Variants in CHD9 observed in about 807,000 individuals in gnomAD.
CHD9 encodes the protein chromodomain helicase DNA binding protein 9.
A neutral mutation model predicts 316.1 loss-of-function variants in CHD9; 77 were observed. The observed-to-expected ratio is 0.24, with a 90% CI of 0.20 to 0.29. The LOEUF (loss-of-function observed/expected upper bound fraction) is 0.29. Ranked by LOEUF, CHD9 falls within the 10% of genes least tolerant of loss-of-function variation. CHD9 has a pLI of 1.00. For missense variants in CHD9, 2,763 were observed against 3,438.1 expected (o/e 0.80, Z 4.91); for synonymous variants, 1,129 against 1,158.3 (o/e 0.97, Z 0.51).
chr16:53,158,188 G>T (rs2041653844), intron 2 of CHD9, among the ~76,000 whole-genome samples: 3 of 151,992 alleles, frequency 2.0e-5, no homozygotes, highest in Admixed American at 6.6e-5. Context: ...AAGCAATTTG[G>T]TACTAGATTA....
intron 24 of CHD9, among the ~76,000 whole-genome samples, chr16:53,285,244 C>T (rs887631558): frequency 6.6e-6 from 1 of 152,118 alleles, no homozygotes; most frequent in Admixed American, 6.6e-5. Context: ...AATAATTGAA[C>T]CAGATGATTA....
rs920501058 is a variant in CHD9, at chr16:53,123,865, G to T, written c.-164-32061G>T. The stretch of plus-strand genomic sequence containing the variant: ...TGTCTTCTGAGTTGGCTTACTAGGG[G>T]ATGTATCTGGCTTTTATCACTTAGC... On this transcript the variant is annotated intron_variant, in intron 1 of 38. Transcript: ENST00000447540. Among the ~76,000 whole-genome samples the T allele has an allele frequency of 3.3e-5, 5 of 152,170 alleles. No homozygotes were observed. In the South Asian group the frequency reaches 1.0e-3, roughly 32 times the overall value.
intron 2 of CHD9, among the ~76,000 whole-genome samples, chr16:53,163,416 G>A (rs1254053917): frequency 3.3e-5 from 5 of 152,024 alleles, no homozygotes. Flanking sequence ...CTCCATGTTC[G>A]TCAGGCTGGT....
Position 53,307,972 on chromosome 16 carries a change from C to T in CHD9, c.7053+19C>T. 6.4e-7 allele frequency: 1 copy of T among 1,566,342 alleles called. No individual in the cohort carries two copies. The highest frequency in any genetic ancestry group is 8.7e-7 in the Non-Finnish European group (1 of 1,155,850). ...CAAAGACGTATGTGTATTTTTATTG[C>T]CCTAGGGCCTGATTGCGATTGCGGT... On this transcript the variant is annotated intron_variant, in intron 33 of 38. Transcript: ENST00000447540.
intron 2 of CHD9, among the ~76,000 whole-genome samples, chr16:53,193,904 A>G (rs1381243763): frequency 1.3e-5 from 2 of 152,204 alleles, no homozygotes; most frequent in African/African-American, 4.8e-5. Context: ...GTAAATAACT[A>G]TAATATACTA....
At chr16:53,277,500 A>C (rs992828367) in intron 24 of CHD9, among the ~76,000 whole-genome samples, 1 of 152,162 alleles carries the variant, frequency 6.6e-6, no homozygotes, top group South Asian at 2.1e-4. Context: ...AACAAAAATC[A>C]CATGATCATT....
At position 53,326,622 on chromosome 16, in the gene CHD9, A is replaced by G. The variant is rs539961268; in HGVS notation, c.*1727A>G. Reference sequence around the variant, plus strand: ...ATAGTCCTTTATGCAATGTCTTAGCAATAGTCTCTATAATGCCCATCCAGG... The same window carrying G: ...ATAGTCCTTTATGCAATGTCTTAGCGATAGTCTCTATAATGCCCATCCAGG... On this transcript the variant is annotated 3_prime_UTR_variant, in exon 39 of 39. Coordinates refer to ENST00000447540, the MANE Select transcript of CHD9 (RefSeq NM_001308319.2). The G allele has an allele frequency of 3.9e-5, 6 of 152,592 alleles. No individual in the cohort carries two copies. Among genetic ancestry groups the G allele is most frequent in the African/African-American group, 1.4e-4 (6 of 41,564 alleles). The allele number at this position is 152,592 out of a possible 1,614,324, so 9.5% of individuals were successfully genotyped here. A position where few individuals can be genotyped will look rare whatever the true frequency, so the allele number is the denominator to read the frequency against.
At chr16:53,227,661 T>C (rs1156926294) in intron 7 of CHD9, 58 bp downstream of exon 7, 2 of 454,430 alleles carry the variant, frequency 4.4e-6, no homozygotes, top group South Asian at 6.7e-5. Flanking sequence ...TAAATTAATA[T>C]ATTTAATAAA....
intron 24 of CHD9, among the ~76,000 whole-genome samples, chr16:53,280,114 G>A (rs1489291751): frequency 1.3e-5 from 2 of 152,216 alleles, no homozygotes; most frequent in African/African-American, 4.8e-5. Flanking sequence ...ACAGCGTGGA[G>A]ATTCCTTAAA....
At chr16:53,208,367 A>T in intron 2 of CHD9, 1 of 1,278,958 alleles carries the variant, frequency 7.8e-7, no homozygotes, top group South Asian at 1.3e-5. Context: ...AGCCTGAATG[A>T]GTGGGAGGAG....
intron 3 of CHD9, among the ~76,000 whole-genome samples, chr16:53,216,572 A>G (rs1597469766): frequency 6.6e-6 from 1 of 152,180 alleles, no homozygotes; most frequent in African/African-American, 2.4e-5. Flanking sequence ...GCCTGTCTGT[A>G]TGGTGGGACC....
chr16:53,061,034 C>T (rs1334419667), intron 1 of CHD9, among the ~76,000 whole-genome samples: 1 of 147,142 alleles, frequency 6.8e-6, no homozygotes, highest in South Asian at 2.1e-4. Context: ...TCAAGCGATT[C>T]TCCTGCCTCA....
At position 53,156,690 on chromosome 16, in the gene CHD9, A is replaced by G; in HGVS notation, c.601A>G (p.Asn201Asp). The G allele has an allele frequency of 6.2e-7, 1 of 1,613,982 alleles. No individual in the cohort carries two copies. The highest frequency in any genetic ancestry group is 2.2e-5 in the East Asian group (1 of 44,880). ...TCTTAGCCAGTCTAAAAATTTTATG[A>G]ATGTTTCTGGTCCACATAGAGTCAA... is the stretch of plus-strand genomic sequence containing the variant. ...NSLSQSKNFM[N>D]VSGPHRVNVN... The change falls in exon 2 of 39, where the codon AAT becomes GAT. Residue 201 changes from asparagine (N) to aspartate (D), a missense_variant. Asn to Asp is a conservative substitution (Grantham distance 23, BLOSUM62 1). This residue lies in a region of CHD9 where 859 missense variants were observed against 890.4 expected (regional missense o/e 0.96). Transcript: ENST00000447540.
chr16:53,319,577 C>T (rs16952170), intron 37 of CHD9, among the ~76,000 whole-genome samples: 47,238 of 151,944 alleles, frequency 0.31, 7,495 homozygotes, highest in Middle Eastern at 0.39. Flanking sequence ...TGTGCTTGTG[C>T]AGATTTTGTT....
intron 2 of CHD9, among the ~76,000 whole-genome samples, chr16:53,189,836 A>T (rs967603683): frequency 6.6e-6 from 1 of 152,182 alleles, no homozygotes; most frequent in African/African-American, 2.4e-5. Context: ...GATATATTTT[A>T]TTCAAATATT....
At chr16:53,108,797 C>T (rs985943693) in intron 1 of CHD9, among the ~76,000 whole-genome samples, 2 of 151,786 alleles carry the variant, frequency 1.3e-5, no homozygotes, top group Non-Finnish European at 2.9e-5. Context: ...ATCACTTGAA[C>T]CCCAGAGGCG....
chr16:53,256,233 C>G (rs985046797), intron 19 of CHD9, among the ~76,000 whole-genome samples: 2 of 151,790 alleles, frequency 1.3e-5, no homozygotes, highest in African/African-American at 4.8e-5. Context: ...GGAGCCAAGG[C>G]GGGTGGATAC....
intron 27 of CHD9, among the ~76,000 whole-genome samples, chr16:53,290,086 C>T (rs1047839684): frequency 1.3e-5 from 2 of 152,092 alleles, no homozygotes; most frequent in African/African-American, 2.4e-5. Flanking sequence ...CCAGCCTGGC[C>T]AACATGGTGA....
intron 1 of CHD9, among the ~76,000 whole-genome samples, chr16:53,144,021 G>A (rs960131084): frequency 6.6e-6 from 1 of 151,856 alleles, no homozygotes; most frequent in African/African-American, 2.4e-5. Flanking sequence ...CTCCTGAAGT[G>A]GGGGGAAAAA....
Sources: gnomAD v4.1 joint callset for allele counts (sites outside exome capture counted in the v4.1 genomes callset) on GRCh38, gnomAD v4.1.1 for gene constraint, gnomAD v4.1.1 regional missense constraint, MANE v1.5 for transcripts, NCBI Gene and HGNC (gene_info 2026-07-23, HGNC 2026-07-21) for gene names.